PCDHGA9: variants seen among roughly 807,000 people sequenced by gnomAD.
The protein encoded by PCDHGA9 is protocadherin gamma-A9.
In PCDHGA9, 37 loss-of-function variants were observed where a neutral mutation model predicts 62.5. The ratio of observed to expected loss-of-function variants is 0.59; its 90% CI spans 0.46 to 0.78. PCDHGA9 has a LOEUF of 0.78. Ranked by LOEUF, PCDHGA9 falls within the 30% of genes least tolerant of loss-of-function variation. The pLI is 0.00. For synonymous variants in PCDHGA9, 459 were observed against 484.6 expected (o/e 0.95, Z 0.69); for missense variants, 1,138 against 1,166.2 (o/e 0.98, Z 0.35).
intron 1 of PCDHGA9, among the ~76,000 whole-genome samples, chr5:141,449,840 T>C (rs1367482819): frequency 6.6e-6 from 1 of 151,692 alleles, no homozygotes; most frequent in Non-Finnish European, 1.5e-5. Context: ...TTTTATATAA[T>C]TAAATTTTAA....
At chr5:141,499,025 GAAGA>G (rs1309889371) in intron 2 of PCDHGA9, among the ~76,000 whole-genome samples, 11 of 140,712 alleles carry the variant, frequency 7.8e-5, no homozygotes, top group African/African-American at 2.6e-4. Flanking sequence ...AGGAAGGAAG[GAAGA>G]AAAGAAAGAA....
At chr5:141,413,612 T>C (rs1282180585) in intron 1 of PCDHGA9, 1 of 1,613,696 alleles carries the variant, frequency 6.2e-7, no homozygotes, top group Non-Finnish European at 8.5e-7. Context: ...GACGTAAAAA[T>C]TAATGAAAAT....
chr5:141,425,500 T>C (rs2096879850), intron 1 of PCDHGA9, among the ~76,000 whole-genome samples: 1 of 152,246 alleles, frequency 6.6e-6, no homozygotes, highest in South Asian at 2.1e-4. Context: ...GCTATACCTT[T>C]ATATTCTCTT....
intron 1 of PCDHGA9, among the ~76,000 whole-genome samples, chr5:141,463,314 A>G (rs1357327211): frequency 2.0e-5 from 3 of 151,098 alleles, no homozygotes; most frequent in Non-Finnish European, 2.9e-5. Context: ...TCTAATATCT[A>G]TTCCTCAACT....
chr5:141,418,126 A>G (rs2096226975), intron 1 of PCDHGA9: 3 of 1,613,994 alleles, frequency 1.9e-6, no homozygotes, highest in Non-Finnish European at 2.5e-6. Context: ...TGAAGGACCG[A>G]ATAGACCGTG....
In PCDHGA9 at chr5:141,487,678, C is replaced by T. The variant is rs1416406108; in HGVS notation, c.2425-7129C>T. ...ATTCTGATCCAGGCATATGGCTAGG[C>T]CATGTCCTAGAGAGTACTGGCCTCT... On this transcript the variant is annotated intron_variant, in intron 1 of 3. Transcript: ENST00000573521. The surrounding 1 kb of genome is among the most constrained non-coding windows in gnomAD (Gnocchi z 5.0). 6.2e-7 allele frequency: 1 copy of T among 1,609,696 alleles called. No individual in the cohort carries two copies. Among genetic ancestry groups the T allele is most frequent in the South Asian group, 1.1e-5 (1 of 90,230 alleles).
rs964965013 is a variant in PCDHGA9 at position 141,489,097 on chromosome 5, C to G, written c.2425-5710C>G. The G allele has an allele frequency of 6.4e-6, 2 of 313,448 alleles. No homozygotes were observed. The highest frequency in any genetic ancestry group is 1.1e-4 in the South Asian group (2 of 18,596). 19.4% of individuals were successfully genotyped at this position (313,448 alleles called of 1,614,324 possible). The stretch of plus-strand genomic sequence containing the variant: ...ACCCCCGCCACTCGGTGACTAAGAA[C>G]TGCTGCAAGCAGGCAAACCTCCGAG... On this transcript the variant is annotated intron_variant, in intron 1 of 3. Coordinates refer to ENST00000573521, the MANE Select transcript of PCDHGA9 (RefSeq NM_018921.3). This position sits in a 1 kb window ranked among gnomAD's most constrained non-coding sequence, Gnocchi z 4.5.
rs530963064 is a variant in PCDHGA9, at chr5:141,404,506, C to G, written c.1554C>G (p.Cys518Trp). ...NSDTGVLYAL[C>W]SFDYEQFRDL... ...ACACTGGTGTGCTGTATGCTCTGTG[C>G]TCCTTTGACTATGAGCAGTTTAGAG... is the stretch of plus-strand genomic sequence containing the variant. The change falls in exon 1 of 4, where the codon TGC becomes TGG. Residue 518 changes from cysteine to tryptophan, a missense_variant. Physicochemically the swap from Cys to Trp is radical, Grantham distance 215 (BLOSUM62 -2). Coordinates refer to ENST00000573521, the MANE Select transcript of PCDHGA9 (RefSeq NM_018921.3). The G allele has an allele frequency of 3.2e-5, 52 of 1,613,814 alleles. No individual in the cohort carries two copies. Among genetic ancestry groups the G allele is most frequent in the Non-Finnish European group, 4.3e-5 (51 of 1,179,838 alleles).
At chr5:141,423,384 C>T in intron 1 of PCDHGA9, 1 of 1,614,172 alleles carries the variant, frequency 6.2e-7, no homozygotes. Flanking sequence ...GGCTGTGGCG[C>T]TGGCATAAGT....
intron 2 of PCDHGA9, among the ~76,000 whole-genome samples, chr5:141,505,026 G>A (rs190826538): frequency 4.6e-5 from 7 of 152,316 alleles, no homozygotes; most frequent in African/African-American, 1.7e-4. Context: ...GCCTGGCACA[G>A]TGGCAGGTGC....
chr5:141,455,476 G>C (rs2098823789), intron 1 of PCDHGA9, among the ~76,000 whole-genome samples: 1 of 152,218 alleles, frequency 6.6e-6, no homozygotes. Flanking sequence ...ATATGCAGAG[G>C]CTGGTGGAGG....
chr5:141,421,931 A>T, intron 1 of PCDHGA9: 1 of 1,613,556 alleles, frequency 6.2e-7, no homozygotes, highest in East Asian at 2.2e-5. Context: ...GTGGTCCTCG[A>T]TGTAAATGAT....
rs771398829 is a variant in PCDHGA9, at chr5:141,421,251, G to A, written c.2424+15875G>A. ...CCATGGCGAATCGGCTACAGCGCGG[G>A]GACCGCAGTCGGCTGCTGCTGCTGC... On this transcript the variant is annotated intron_variant, in intron 1 of 3. Transcript: ENST00000573521. 17 of 1,606,770 alleles carry A rather than the reference G, an allele frequency of 1.1e-5. No homozygotes were observed. The East Asian group carries it at 3.1e-4, about 30-fold the overall frequency.
chr5:141,507,522 C>G (rs560304194), intron 3 of PCDHGA9, among the ~76,000 whole-genome samples: 365 of 152,096 alleles, frequency 2.4e-3, no homozygotes, highest in African/African-American at 8.1e-3. Context: ...GCTATGATTC[C>G]AGAGAGGCCA....
chr5:141,424,497 A>G (rs2096824503), intron 1 of PCDHGA9: 2 of 152,174 alleles, frequency 1.3e-5, no homozygotes, highest in African/African-American at 2.4e-5. Flanking sequence ...GTTTGTATGT[A>G]TGGAAGGTTT....
At chr5:141,446,837 T>G (rs2098518039) in intron 1 of PCDHGA9, among the ~76,000 whole-genome samples, 1 of 152,168 alleles carries the variant, frequency 6.6e-6, no homozygotes, top group South Asian at 2.1e-4. Flanking sequence ...CTTATAAGGC[T>G]GAGCATAATA....
rs1354607645 is a variant in PCDHGA9, at chr5:141,433,848, A to C, written c.2424+28472A>C. Among the ~76,000 whole-genome samples, 4 of 152,082 alleles carry C rather than the reference A, an allele frequency of 2.6e-5. No individual in the cohort carries two copies. In the East Asian group the frequency reaches 5.8e-4, roughly 22 times the overall value. ...GTGAAACTCTATCTCAAAAAAAAAA[A>C]AAAAAAACTTTATCCTCTAGTTTCA... On this transcript the variant is annotated intron_variant, in intron 1 of 3. Coordinates refer to ENST00000573521, the MANE Select transcript of PCDHGA9 (RefSeq NM_018921.3).
At position 141,460,518 on chromosome 5, in the gene PCDHGA9, C is replaced by T. The variant is rs190277142; in HGVS notation, c.2425-34289C>T. ...AAATATGCTGAGAAGGCTATCTTTT[C>T]CCCACCAAATAATCTTAGCACCTTA... On this transcript the variant is annotated intron_variant, in intron 1 of 3. Coordinates refer to ENST00000573521, the MANE Select transcript of PCDHGA9 (RefSeq NM_018921.3). Among the ~76,000 whole-genome samples, 53 of 152,196 alleles carry T rather than the reference C, an allele frequency of 3.5e-4. 1 individual carries two copies. Among genetic ancestry groups the T allele is most frequent in the African/African-American group, 1.2e-3 (50 of 41,522 alleles).
At chr5:141,445,838 A>T (rs1302150397) in intron 1 of PCDHGA9, among the ~76,000 whole-genome samples, 1 of 152,218 alleles carries the variant, frequency 6.6e-6, no homozygotes, top group South Asian at 2.1e-4. Flanking sequence ...GAGCCTTGTA[A>T]ATCACACTTA....
Sources: gnomAD v4.1 joint callset for allele counts (sites outside exome capture counted in the v4.1 genomes callset) on GRCh38, gnomAD v4.1.1 for gene constraint, Gnocchi (gnomAD v3.1) non-coding constraint, MANE v1.5 for transcripts, NCBI Gene and HGNC (gene_info 2026-07-23, HGNC 2026-07-21) for gene names.